The following PDZRN3 variants were observed in gnomAD, a reference collection of about 807,000 sequenced individuals.
PDZRN3 encodes the protein E3 ubiquitin-protein ligase PDZRN3.
PDZRN3 carries 38 observed loss-of-function variants against 85.7 expected under a neutral mutation model. The observed-to-expected ratio is 0.44, with a 90% CI of 0.34 to 0.58. The LOEUF is 0.58. PDZRN3 is among the 20% of genes least tolerant of loss of function. The pLI is 0.01. For synonymous variants in PDZRN3, 759 were observed against 638.0 expected (o/e 1.19, Z -2.86); for missense variants, 1,629 against 1,506.4 (o/e 1.08, Z -1.35).
chr3:73,419,484 C>T (rs1490140300), intron 3 of PDZRN3, among the ~76,000 whole-genome samples: 2 of 152,140 alleles, frequency 1.3e-5, no homozygotes, highest in Admixed American at 1.3e-4. Context: ...ATACGGATCC[C>T]CTGCACACGC....
At chr3:73,508,376 T>C (rs1419339655) in intron 3 of PDZRN3, among the ~76,000 whole-genome samples, 1 of 152,156 alleles carries the variant, frequency 6.6e-6, no homozygotes, top group Non-Finnish European at 1.5e-5. Flanking sequence ...GAAACAGCAG[T>C]GAAGACATAA....
At chr3:73,502,231 A>C (rs1479365178) in intron 3 of PDZRN3, among the ~76,000 whole-genome samples, 2 of 152,208 alleles carry the variant, frequency 1.3e-5, no homozygotes, top group African/African-American at 4.8e-5. Flanking sequence ...GAATCAAGTA[A>C]AGGGTCACAA....
At chr3:73,582,169 G>C (rs1295798429) in intron 3 of PDZRN3, among the ~76,000 whole-genome samples, 2 of 152,184 alleles carry the variant, frequency 1.3e-5, no homozygotes, top group Non-Finnish European at 2.9e-5. Flanking sequence ...CATGAAGAAG[G>C]CTACGGAAGG....
intron 3 of PDZRN3, among the ~76,000 whole-genome samples, chr3:73,431,497 G>A (rs1702430532): frequency 6.6e-6 from 1 of 152,296 alleles, no homozygotes; most frequent in South Asian, 2.1e-4. Flanking sequence ...TGTAATTTAT[G>A]GAAACCTTAA....
chr3:73,580,173 C>A (rs1203835844), intron 3 of PDZRN3, among the ~76,000 whole-genome samples: 3 of 152,184 alleles, frequency 2.0e-5, no homozygotes, highest in Admixed American at 6.5e-5. Context: ...GTCTAGGACC[C>A]TGCAAAGAAC....
chr3:73,556,884 G>C (rs980701042), intron 3 of PDZRN3: 1 of 152,594 alleles, frequency 6.6e-6, no homozygotes, highest in South Asian at 2.1e-4. Flanking sequence ...CCCTGAACCT[G>C]ACTGAGGAGC....
At chr3:73,506,961 A>C (rs1484856325) in intron 3 of PDZRN3, among the ~76,000 whole-genome samples, 1 of 152,096 alleles carries the variant, frequency 6.6e-6, no homozygotes, top group Non-Finnish European at 1.5e-5. Context: ...GGTAAAAATA[A>C]CCATAGTAAT....
In PDZRN3 at chr3:73,388,083, A is replaced by ACAC; in HGVS notation, c.1417-15_1417-14insGTG. On this transcript the variant is annotated splice_polypyrimidine_tract_variant and intron_variant, in intron 7 of 9. Transcript: ENST00000263666. ...TATCCCATTAATCTTTTAAAAAAAA[A>ACAC]GGGGGGGTGGGGAGAGTGGGGAGAC... 3 of 908,174 alleles carry ACAC rather than the reference A, an allele frequency of 3.3e-6. No individual in the cohort carries two copies. The highest frequency in any genetic ancestry group is 5.1e-6 in the Non-Finnish European group (3 of 588,932). 56.3% of individuals were successfully genotyped at this position (908,174 alleles called of 1,614,324 possible). A position where few individuals can be genotyped will look rare whatever the true frequency, so the allele number is the denominator to read the frequency against.
At chr3:73,478,878 C>T (rs1356453802) in intron 3 of PDZRN3, among the ~76,000 whole-genome samples, 1 of 152,204 alleles carries the variant, frequency 6.6e-6, no homozygotes, top group Non-Finnish European at 1.5e-5. Flanking sequence ...AAACTACATG[C>T]TAATAATGGT....
At chr3:73,428,527 T>C (rs1443321763) in intron 3 of PDZRN3, among the ~76,000 whole-genome samples, 1 of 152,028 alleles carries the variant, frequency 6.6e-6, no homozygotes, top group East Asian at 1.9e-4. Context: ...TTAACATATA[T>C]ATGGAAACAA....
chr3:73,529,825 T>C (rs919569238), intron 3 of PDZRN3, among the ~76,000 whole-genome samples: 3 of 152,220 alleles, frequency 2.0e-5, no homozygotes, highest in African/African-American at 7.2e-5. Flanking sequence ...GCCACTTCAT[T>C]AAATGCTCTA....
intron 3 of PDZRN3, among the ~76,000 whole-genome samples, chr3:73,430,992 C>A (rs948913209): frequency 2.6e-5 from 4 of 152,172 alleles, no homozygotes; most frequent in African/African-American, 7.2e-5. Flanking sequence ...CTTGACGTTT[C>A]ACACTGCCCT....
chr3:73,580,156 G>C (rs1398037439), intron 3 of PDZRN3, among the ~76,000 whole-genome samples: 1 of 152,172 alleles, frequency 6.6e-6, no homozygotes, highest in African/African-American at 2.4e-5. Flanking sequence ...TCAATTTTCA[G>C]AGCTTTGTCT....
intron 3 of PDZRN3, among the ~76,000 whole-genome samples, chr3:73,486,194 G>C (rs1703657976): frequency 6.6e-6 from 1 of 152,218 alleles, no homozygotes; most frequent in Admixed American, 6.5e-5. Context: ...GCTGGGAGAT[G>C]CCAGTGGCTG....
chr3:73,445,431 A>C (rs190408360), intron 3 of PDZRN3, among the ~76,000 whole-genome samples: 1 of 152,234 alleles, frequency 6.6e-6, no homozygotes, highest in East Asian at 1.9e-4. Flanking sequence ...AGTTGCAAGA[A>C]AGACACTTGA....
chr3:73,390,635 A>G (rs1005321645), intron 6 of PDZRN3, among the ~76,000 whole-genome samples: 8 of 139,376 alleles, frequency 5.7e-5, no homozygotes, highest in Non-Finnish European at 7.7e-5. Flanking sequence ...AGAAAAAAAA[A>G]TGTGTGTGTG....
intron 3 of PDZRN3, among the ~76,000 whole-genome samples, chr3:73,562,185 A>G (rs1207171350): frequency 6.6e-6 from 1 of 152,162 alleles, no homozygotes; most frequent in Admixed American, 6.5e-5. Context: ...ACCTCTCTCT[A>G]TTGCACACAG....
intron 3 of PDZRN3, among the ~76,000 whole-genome samples, chr3:73,587,060 A>G (rs1388813576): frequency 6.6e-6 from 1 of 152,134 alleles, no homozygotes; most frequent in East Asian, 1.9e-4. Flanking sequence ...GATCCAACAG[A>G]CCCCAGGGTA....
intron 3 of PDZRN3, among the ~76,000 whole-genome samples, chr3:73,496,247 C>T (rs1271802059): frequency 6.6e-6 from 1 of 152,172 alleles, no homozygotes; most frequent in Admixed American, 6.5e-5. Context: ...TTGTTGATGC[C>T]TATTGAGGGT....
Sources: allele counts gnomAD v4.1 joint callset (sites outside exome capture counted in the v4.1 genomes callset), GRCh38; gene constraint gnomAD v4.1.1; transcripts MANE v1.5; gene names NCBI Gene and HGNC (gene_info 2026-07-23, HGNC 2026-07-21).